Variants in SNX7 observed in about 807,000 individuals in gnomAD.
SNX7 encodes the protein sorting nexin-7.
SNX7 carries 35 observed loss-of-function variants against 48.4 expected under a neutral mutation model. The ratio of observed to expected loss-of-function variants is 0.72; its 90% CI spans 0.55 to 0.96. The LOEUF is 0.96. Ranked by LOEUF, SNX7 falls within the 40% of genes least tolerant of loss-of-function variation. SNX7 has a pLI of 0.00. For synonymous variants in SNX7, 190 were observed against 190.2 expected (o/e 1.00, Z 0.01); for missense variants, 553 against 548.9 (o/e 1.01, Z -0.07).
At chr1:98,726,459 G>A (rs181873091) in intron 7 of SNX7, among the ~76,000 whole-genome samples, 59 of 152,266 alleles carry the variant, frequency 3.9e-4, no homozygotes, top group African/African-American at 1.3e-3. Context: ...TTCATAACAG[G>A]TACATGTCTT....
At chr1:98,750,740 A>C (rs968294805) in intron 8 of SNX7, among the ~76,000 whole-genome samples, 6 of 152,126 alleles carry the variant, frequency 3.9e-5, no homozygotes. Context: ...AGGATTCAGT[A>C]AATGTTGGCT....
chr1:98,696,244 C>T (rs1276640389), intron 5 of SNX7, among the ~76,000 whole-genome samples: 1 of 150,688 alleles, frequency 6.6e-6, no homozygotes, highest in Non-Finnish European at 1.5e-5. Flanking sequence ...ATTTTTTCCC[C>T]TAATTTTCTA....
intron 8 of SNX7, among the ~76,000 whole-genome samples, chr1:98,741,357 A>T (rs1654059046): frequency 6.6e-6 from 1 of 152,270 alleles, no homozygotes; most frequent in East Asian, 1.9e-4. Flanking sequence ...AGTTATTATC[A>T]TATTGTGCAA....
At chr1:98,725,083 G>T (rs1243787427) in intron 7 of SNX7, among the ~76,000 whole-genome samples, 1 of 152,170 alleles carries the variant, frequency 6.6e-6, no homozygotes, top group Non-Finnish European at 1.5e-5. Flanking sequence ...GCTCCAGTAA[G>T]TCTGAGAGGT....
intron 8 of SNX7, among the ~76,000 whole-genome samples, chr1:98,756,217 C>T (rs905027245): frequency 4.6e-5 from 7 of 151,748 alleles, no homozygotes; most frequent in Non-Finnish European, 1.0e-4. Context: ...CATTCCCTTT[C>T]ATCTGGCTTT....
At chr1:98,715,464 C>G (rs1652537556) in intron 7 of SNX7, among the ~76,000 whole-genome samples, 1 of 152,146 alleles carries the variant, frequency 6.6e-6, no homozygotes, top group Admixed American at 6.5e-5. Flanking sequence ...CACTCTTTTT[C>G]CAATGTAATT....
At chr1:98,725,545 T>A (rs944550299) in intron 7 of SNX7, among the ~76,000 whole-genome samples, 18 of 152,254 alleles carry the variant, frequency 1.2e-4, no homozygotes, top group Middle Eastern at 3.4e-3. Flanking sequence ...AAAAAACTGA[T>A]CTCTAATAAA....
upstream of SNX7, chr1:98,661,576 C>T: frequency 1.5e-6 from 1 of 663,492 alleles, no homozygotes; most frequent in Non-Finnish European, 2.0e-6. Flanking sequence ...CCGGCCCGGG[C>T]CAGCGCTGGT....
intron 1 of SNX7, among the ~76,000 whole-genome samples, chr1:98,682,547 A>G (rs983498173): frequency 2.6e-5 from 4 of 152,320 alleles, no homozygotes; most frequent in East Asian, 1.9e-4. Context: ...CTGGATATGT[A>G]TAATTCTAGG....
chr1:98,745,731 T>C (rs901541674), intron 8 of SNX7, among the ~76,000 whole-genome samples: 23 of 152,202 alleles, frequency 1.5e-4, no homozygotes, highest in African/African-American at 5.3e-4. Context: ...TACCGTCTTA[T>C]TCATTGGGAA....
chr1:98,743,607 T>C (rs1028605624), intron 8 of SNX7, among the ~76,000 whole-genome samples: 46 of 152,084 alleles, frequency 3.0e-4, no homozygotes, highest in African/African-American at 1.1e-3. Flanking sequence ...ATGGCTCATT[T>C]AAAAATTACA....
intron 8 of SNX7, among the ~76,000 whole-genome samples, chr1:98,742,648 A>T (rs992105393): frequency 6.6e-6 from 1 of 152,090 alleles, no homozygotes; most frequent in Admixed American, 6.6e-5. Context: ...ATACAGGCTC[A>T]CTGAAAACAA....
intron 7 of SNX7, among the ~76,000 whole-genome samples, chr1:98,726,715 A>G (rs1036480659): frequency 6.6e-6 from 1 of 152,054 alleles, no homozygotes; most frequent in Non-Finnish European, 1.5e-5. Flanking sequence ...GAGGGTACTT[A>G]TTTTATTTTA....
At chr1:98,723,218 G>A (rs1557821833) in intron 7 of SNX7, among the ~76,000 whole-genome samples, 1 of 152,140 alleles carries the variant, frequency 6.6e-6, no homozygotes, top group East Asian at 1.9e-4. Flanking sequence ...AATGTTTTGG[G>A]AAGCATTATC....
chr1:98,664,135 C>T lies in SNX7; in HGVS notation c.180+2224C>T, dbSNP rs79065722. On this transcript the variant is annotated intron_variant, in intron 1 of 8. Transcript: ENST00000306121. ...CACAATTACTTATGAAGCAAACTGT[C>T]CTTCCCTTTTAGTAATTTGAGATTG... 0.03 allele frequency among the ~76,000 whole-genome samples: 4,621 copies of T among 152,276 alleles called. 377 individuals carry two copies. The East Asian group carries it at 0.34, about 11-fold the overall frequency.
chr1:98,733,309 C>G (rs1215669639), intron 7 of SNX7, among the ~76,000 whole-genome samples: 5 of 152,126 alleles, frequency 3.3e-5, no homozygotes, highest in African/African-American at 1.2e-4. Flanking sequence ...CAGGGCTAGA[C>G]CCTCCTGACT....
chr1:98,744,819 G>A (rs1004676890), intron 8 of SNX7, among the ~76,000 whole-genome samples: 1 of 151,920 alleles, frequency 6.6e-6, no homozygotes, highest in Non-Finnish European at 1.5e-5. Context: ...TGGTGCAAAA[G>A]CCCACCCTTT....
intron 2 of SNX7, 43 bp from the exon 3 acceptor site, chr1:98,691,032 A>G (rs1237962326): frequency 1.5e-6 from 2 of 1,354,658 alleles, no homozygotes; most frequent in Non-Finnish European, 2.1e-6. Context: ...AATACCTTCT[A>G]TCTTATATTG....
At chr1:98,745,765 A>G (rs1377950255) in intron 8 of SNX7, among the ~76,000 whole-genome samples, 1 of 152,086 alleles carries the variant, frequency 6.6e-6, no homozygotes, top group Non-Finnish European at 1.5e-5. Context: ...GCCTGAATGC[A>G]TTAAGAAATT....
Sources: gnomAD v4.1 joint callset for allele counts (sites outside exome capture counted in the v4.1 genomes callset) on GRCh38, gnomAD v4.1.1 for gene constraint, MANE v1.5 for transcripts, NCBI Gene and HGNC (gene_info 2026-07-23, HGNC 2026-07-21) for gene names.